Variants in NR3C2 observed in about 807,000 individuals in gnomAD.
NR3C2 encodes the protein nuclear receptor subfamily 3 group C member 2, also known as mineralocorticoid receptor.
A neutral mutation model predicts 86.4 loss-of-function variants in NR3C2; 15 were observed. The observed-to-expected ratio is 0.17, with a 90% confidence interval of 0.12 to 0.27. NR3C2 has a LOEUF of 0.27. Ranked by LOEUF, NR3C2 falls within the 10% of genes least tolerant of loss-of-function variation. The pLI is 1.00. For synonymous variants in NR3C2, 458 were observed against 450.5 expected (o/e 1.02, Z -0.21); for missense variants, 960 against 1,195.6 (o/e 0.80, Z 2.91).
At chr4:148,420,727 G>A (rs1749241116) in intron 2 of NR3C2, among the ~76,000 whole-genome samples, 1 of 152,146 alleles carries the variant, frequency 6.6e-6, no homozygotes, top group African/African-American at 2.4e-5. Flanking sequence ...AATCACAGGG[G>A]TGAATCCTTC....
At chr4:148,205,739 A>G (rs1438812583) in intron 3 of NR3C2, among the ~76,000 whole-genome samples, 1 of 152,232 alleles carries the variant, frequency 6.6e-6, no homozygotes, top group Non-Finnish European at 1.5e-5. Flanking sequence ...CTAAGAGAAT[A>G]CAGAAGAGAA....
Position 148,221,754 on chromosome 4 carries a change from C to T in NR3C2, c.1898-26892G>A, listed in dbSNP as rs191751459. Among the ~76,000 whole-genome samples, 123 of 151,918 alleles carry T rather than the reference C, an allele frequency of 8.1e-4. 1 individual carries two copies. Among genetic ancestry groups the T allele is most frequent in the Non-Finnish European group, 1.5e-3 (99 of 67,906 alleles). ...CTAGAAATACAAAAAATTAGCTGGGCGTGGTGGCAGGTGCCTGTAATCTCA... is the reference window on the plus strand; with the variant it reads ...CTAGAAATACAAAAAATTAGCTGGGTGTGGTGGCAGGTGCCTGTAATCTCA... On this transcript the variant is annotated intron_variant, in intron 3 of 8. Coordinates refer to ENST00000358102, the MANE Select transcript of NR3C2 (RefSeq NM_000901.5).
At chr4:148,282,667 G>A (rs1418449858) in intron 2 of NR3C2, among the ~76,000 whole-genome samples, 1 of 152,128 alleles carries the variant, frequency 6.6e-6, no homozygotes, top group African/African-American at 2.4e-5. Flanking sequence ...GAGTGGGGGA[G>A]TTGGAGGGGG....
rs545449371 is a variant in NR3C2, at chr4:148,288,265, T to C, written c.1758-28148A>G. 2.2e-4 allele frequency among the ~76,000 whole-genome samples: 33 copies of C among 152,350 alleles called. No individual in the cohort carries two copies. The South Asian group carries it at 6.2e-3, about 29-fold the overall frequency. ...ACCTACCTCATAAGGATCTAATACA[T>C]GACTATTTTCTTATAAATTATGTGA... On this transcript the variant is annotated intron_variant, in intron 2 of 8. Transcript: ENST00000358102.
intron 4 of NR3C2, among the ~76,000 whole-genome samples, chr4:148,183,065 TGTG>T (rs1042829432): frequency 1.3e-4 from 20 of 152,078 alleles, no homozygotes; most frequent in African/African-American, 4.8e-4. Flanking sequence ...AGTGAGAACA[TGTG>T]GTGTTTGGTT....
At chr4:148,380,082 A>G (rs1447608612) in intron 2 of NR3C2, among the ~76,000 whole-genome samples, 1 of 152,192 alleles carries the variant, frequency 6.6e-6, no homozygotes, top group East Asian at 1.9e-4. Context: ...TTTTTTATTG[A>G]GATATAATTC....
intron 2 of NR3C2, among the ~76,000 whole-genome samples, chr4:148,364,412 T>C (rs577708679): frequency 6.6e-6 from 1 of 152,330 alleles, no homozygotes; most frequent in South Asian, 2.1e-4. Context: ...AGTAATCTTC[T>C]TTGCTTCCAT....
At chr4:148,184,033 T>C (rs1735764846) in intron 4 of NR3C2, among the ~76,000 whole-genome samples, 1 of 152,064 alleles carries the variant, frequency 6.6e-6, no homozygotes, top group Non-Finnish European at 1.5e-5. Flanking sequence ...AACACCCTAC[T>C]ATGCACAGGA....
At chr4:148,281,261 C>A (rs1192409331) in intron 2 of NR3C2, among the ~76,000 whole-genome samples, 1 of 152,204 alleles carries the variant, frequency 6.6e-6, no homozygotes, top group African/African-American at 2.4e-5. Flanking sequence ...TTATTTTCCT[C>A]CACGAAACCA....
chr4:148,233,366 G>GTTT (rs56388064), intron 3 of NR3C2, among the ~76,000 whole-genome samples: 18 of 142,746 alleles, frequency 1.3e-4, no homozygotes, highest in African/African-American at 1.0e-4. Flanking sequence ...ATTTCTTTAG[G>GTTT]TTTTTTTTTT....
At chr4:148,288,726 C>G (rs78716716) in intron 2 of NR3C2, among the ~76,000 whole-genome samples, 1 of 152,074 alleles carries the variant, frequency 6.6e-6, no homozygotes, top group African/African-American at 2.4e-5. Flanking sequence ...TTGTGCCAAA[C>G]GCTGGAATTC....
intron 2 of NR3C2, among the ~76,000 whole-genome samples, chr4:148,395,814 G>C (rs1472223032): frequency 6.6e-6 from 1 of 152,218 alleles, no homozygotes; most frequent in African/African-American, 2.4e-5. Context: ...TATATCAGCT[G>C]ATCCTAAGGG....
At chr4:148,403,856 T>C (rs536955195) in intron 2 of NR3C2, among the ~76,000 whole-genome samples, 16 of 152,234 alleles carry the variant, frequency 1.1e-4, no homozygotes, top group Admixed American at 3.3e-4. Flanking sequence ...TTCCCATTTA[T>C]GTACTTTCTA....
At chr4:148,217,478 A>G (rs1560983360) in intron 3 of NR3C2, among the ~76,000 whole-genome samples, 1 of 152,196 alleles carries the variant, frequency 6.6e-6, no homozygotes, top group Admixed American at 6.5e-5. Flanking sequence ...TACTTGTGCA[A>G]TGGAGTCTTT....
chr4:148,342,183 T>C (rs139155617), intron 2 of NR3C2, among the ~76,000 whole-genome samples: 1 of 152,034 alleles, frequency 6.6e-6, no homozygotes, highest in Non-Finnish European at 1.5e-5. Flanking sequence ...AGACCTTTGA[T>C]GAAGGGTCAC....
At chr4:148,112,116 G>A (rs1307203613) in intron 8 of NR3C2, among the ~76,000 whole-genome samples, 3 of 151,910 alleles carry the variant, frequency 2.0e-5, no homozygotes, top group Non-Finnish European at 2.9e-5. Flanking sequence ...GCACTGTGCT[G>A]GTGGGGGAAA....
chr4:148,289,856 C>T (rs1579111897), intron 2 of NR3C2, among the ~76,000 whole-genome samples: 1 of 152,028 alleles, frequency 6.6e-6, no homozygotes, highest in East Asian at 1.9e-4. Flanking sequence ...TATGGAGTGG[C>T]TCGAGTGGCA....
At chr4:148,145,972 A>C (rs918826355) in intron 6 of NR3C2, among the ~76,000 whole-genome samples, 1 of 152,128 alleles carries the variant, frequency 6.6e-6, no homozygotes, top group Non-Finnish European at 1.5e-5. Flanking sequence ...ACGAAGGAGC[A>C]GGGAGAAGTG....
At chr4:148,383,801 A>T (rs939128064) in intron 2 of NR3C2, among the ~76,000 whole-genome samples, 2 of 152,032 alleles carry the variant, frequency 1.3e-5, no homozygotes, top group African/African-American at 4.8e-5. Flanking sequence ...TACAAAAATA[A>T]GCTGGACAAG....
Sources: gnomAD v4.1 joint callset for allele counts (sites outside exome capture counted in the v4.1 genomes callset) on GRCh38, gnomAD v4.1.1 for gene constraint, MANE v1.5 for transcripts, NCBI Gene and HGNC (gene_info 2026-07-23, HGNC 2026-07-21) for gene names.